The following ITPKB variants were observed in gnomAD, a reference collection of about 807,000 sequenced individuals.
The protein encoded by ITPKB is IP3 3-kinase B.
A neutral mutation model predicts 69.4 loss-of-function variants in ITPKB; 13 were observed. The ratio of observed to expected loss-of-function variants is 0.19; its 90% CI spans 0.12 to 0.30. The LOEUF (loss-of-function observed/expected upper bound fraction) is 0.30, where lower values mean the gene tolerates loss of function less well. Among genes scored for constraint, ITPKB ranks in the 10% least tolerant of loss-of-function variants. ITPKB has a pLI of 1.00. For synonymous variants in ITPKB, 584 were observed against 513.7 expected (o/e 1.14, Z -1.85); for missense variants, 1,240 against 1,250.5 (o/e 0.99, Z 0.13).
At chr1:226,709,417 G>T (rs561589699) in intron 2 of ITPKB, among the ~76,000 whole-genome samples, 48 of 152,290 alleles carry the variant, frequency 3.2e-4, no homozygotes, top group African/African-American at 1.1e-3. Context: ...CCAGGTCTCC[G>T]ATGGGTCTAG....
At chr1:226,655,414 G>A (rs1410259426) in intron 2 of ITPKB, among the ~76,000 whole-genome samples, 1 of 152,198 alleles carries the variant, frequency 6.6e-6, no homozygotes, top group Non-Finnish European at 1.5e-5. Flanking sequence ...CCCCAGGCCT[G>A]CAGGCCTCTG....
chr1:226,691,344 C>T (rs984705138), intron 2 of ITPKB, among the ~76,000 whole-genome samples: 9 of 152,136 alleles, frequency 5.9e-5, no homozygotes, highest in African/African-American at 2.2e-4. Flanking sequence ...CTATTCTCTT[C>T]CCAGCCTCAG....
chr1:226,713,622 A>G (rs1005031573), intron 2 of ITPKB, among the ~76,000 whole-genome samples: 2 of 152,176 alleles, frequency 1.3e-5, no homozygotes, highest in Non-Finnish European at 2.9e-5. Flanking sequence ...GTTTACTAAA[A>G]TCATCCAGAA....
chr1:226,732,124 G>C (rs894609206), intron 2 of ITPKB, among the ~76,000 whole-genome samples: 1 of 138,130 alleles, frequency 7.2e-6, no homozygotes, highest in African/African-American at 2.7e-5. Flanking sequence ...AAAAAAAAGC[G>C]AAGGAAACAA....
chr1:226,656,564 T>C (rs1028410018), intron 2 of ITPKB: 1 of 152,282 alleles, frequency 6.6e-6, no homozygotes, highest in Non-Finnish European at 1.5e-5. Context: ...TCCAGCCCCC[T>C]TCTTGCTGAT....
rs555627093 is a variant in ITPKB at position 226,738,844 on chromosome 1, G to A, written c.-206+197C>T. 2.4e-4 allele frequency among the ~76,000 whole-genome samples: 36 copies of A among 152,268 alleles called. No individual in the cohort carries two copies. Among genetic ancestry groups the A allele is most frequent in the African/African-American group, 6.5e-4 (27 of 41,552 alleles). On this transcript the variant is annotated intron_variant, in intron 1 of 7. Transcript: ENST00000429204. This position sits in a 1 kb window ranked among gnomAD's most constrained non-coding sequence, Gnocchi z 4.2. ...CCGGAAGGCGGGTAGGAGAAATGCG[G>A]AGACCTCGTCTCTCCCTATTTTCTC...
At chr1:226,707,654 A>G in intron 2 of ITPKB, 1 of 1,009,280 alleles carries the variant, frequency 9.9e-7, no homozygotes, top group Non-Finnish European at 1.2e-6. Flanking sequence ...CAAGGCCATC[A>G]TCACAAGGAA....
At chr1:226,653,467 C>T (rs1386527648) in intron 2 of ITPKB, among the ~76,000 whole-genome samples, 1 of 152,218 alleles carries the variant, frequency 6.6e-6, no homozygotes, top group East Asian at 1.9e-4. Flanking sequence ...AGCCCAGGGC[C>T]CCTGGTGCCC....
chr1:226,635,078 G>A (rs1369869835), intron 7 of ITPKB, among the ~76,000 whole-genome samples, 192 bp from the exon 8 acceptor site: 2 of 152,132 alleles, frequency 1.3e-5, no homozygotes, highest in Admixed American at 1.3e-4. Context: ...AGAGGGCATC[G>A]GGTTCCAGGG....
At chr1:226,681,280 G>A (rs550966403) in intron 2 of ITPKB, among the ~76,000 whole-genome samples, 2 of 152,256 alleles carry the variant, frequency 1.3e-5, no homozygotes, top group Non-Finnish European at 2.9e-5. Flanking sequence ...TTGCTCTTAA[G>A]GGGTTACACT....
chr1:226,681,217 T>C (rs3820640), intron 2 of ITPKB, among the ~76,000 whole-genome samples: 17,853 of 152,140 alleles, frequency 0.12, 1,300 homozygotes, highest in East Asian at 0.16. Context: ...CGAGGCCAGA[T>C]TGTTCCTTTC....
chr1:226,723,691 C>A (rs987320020), intron 2 of ITPKB, among the ~76,000 whole-genome samples: 19 of 152,124 alleles, frequency 1.2e-4, no homozygotes, highest in Admixed American at 7.9e-4. Flanking sequence ...AGGGAAGGGA[C>A]AGAGGCTTTC....
At chr1:226,723,952 G>T (rs1168831680) in intron 2 of ITPKB, among the ~76,000 whole-genome samples, 1 of 152,130 alleles carries the variant, frequency 6.6e-6, no homozygotes, top group East Asian at 1.9e-4. Context: ...TCGACAATTA[G>T]CTGTACTTGG....
chr1:226,703,721 C>T (rs184867713), intron 2 of ITPKB, among the ~76,000 whole-genome samples: 3 of 152,236 alleles, frequency 2.0e-5, no homozygotes, highest in Admixed American at 1.3e-4. Flanking sequence ...TTGCGCTCCC[C>T]CAGGCGGGAA....
chr1:226,643,865 C>T (rs1006229559), intron 4 of ITPKB, among the ~76,000 whole-genome samples: 2 of 152,240 alleles, frequency 1.3e-5, no homozygotes, highest in Non-Finnish European at 1.5e-5. Context: ...CTGTGCACCA[C>T]TGCACACACA....
At chr1:226,715,736 T>C (rs185823788) in intron 2 of ITPKB, among the ~76,000 whole-genome samples, 127 of 152,358 alleles carry the variant, frequency 8.3e-4, no homozygotes, top group African/African-American at 2.9e-3. Flanking sequence ...TCTTTCTTTA[T>C]TAAACCAAGT....
rs1297700542 is a variant in ITPKB at position 226,637,783 on chromosome 1, G to A, written c.2554-33C>T. 4.5e-6 allele frequency: 7 copies of A among 1,539,956 alleles called. No individual in the cohort carries two copies. In the East Asian group the frequency reaches 6.7e-5, roughly 15 times the overall value. On this transcript the variant is annotated intron_variant, in intron 6 of 7. Coordinates refer to ENST00000429204, the MANE Select transcript of ITPKB (RefSeq NM_002221.4). This position sits in a 1 kb window ranked among gnomAD's most constrained non-coding sequence, Gnocchi z 4.3. ...TAGAAAGAGGACCAGATTTTTAAGC[G>A]CCGCGTGGGGAAGGGCAGTGTCAGA...
In ITPKB at chr1:226,736,791, G is replaced by A; in HGVS notation, c.668C>T (p.Pro223Leu). ...CTTCACCTGCGAGGAGCATAGGCTG[G>A]GCCCTCCTTTCCTCCCGGAGTCGGT... is the stretch of plus-strand genomic sequence containing the variant. ...SGTDSGRKGG[P>L]SLCSSQVKKG... Residue 223 changes from proline (P) to leucine (L), a missense_variant, in exon 2 of 8, where the codon CCC becomes CTC. This residue lies in a region of ITPKB where 992 missense variants were observed against 853.8 expected (regional missense o/e 1.16). Transcript: ENST00000429204. 1 of 1,613,080 alleles carries A rather than the reference G, an allele frequency of 6.2e-7. No individual in the cohort carries two copies.
rs75918055 is a variant in ITPKB at position 226,660,935 on chromosome 1, C to T, written c.1933-12164G>A. Among the ~76,000 whole-genome samples, 1,163 of 152,356 alleles carry T rather than the reference C, an allele frequency of 7.6e-3. 48 individuals are homozygous for T. Among genetic ancestry groups the T allele is most frequent in the Admixed American group, 0.065 (988 of 15,308 alleles). ...ACGCAGCAGATCCTCTCCCGCCCTG[C>T]GCTCATCCACTCCTCCCCAGAGATT... On this transcript the variant is annotated intron_variant, in intron 2 of 7. Coordinates refer to ENST00000429204, the MANE Select transcript of ITPKB (RefSeq NM_002221.4).
Sources: gnomAD v4.1 joint callset for allele counts (sites outside exome capture counted in the v4.1 genomes callset) on GRCh38, gnomAD v4.1.1 for gene constraint, gnomAD v4.1.1 regional missense constraint, Gnocchi (gnomAD v3.1) non-coding constraint, MANE v1.5 for transcripts, NCBI Gene and HGNC (gene_info 2026-07-23, HGNC 2026-07-21) for gene names.